DCDC1: variants seen among roughly 807,000 people sequenced by gnomAD.
DCDC1 encodes the protein doublecortin domain containing 1.
Under a neutral mutation model 178.3 loss-of-function variants are expected in DCDC1, and 200 were observed. The observed-to-expected ratio is 1.12, with a 90% CI of 1.00 to 1.26. DCDC1 has a LOEUF of 1.26. DCDC1 is among the 50% of genes most tolerant of loss of function. DCDC1 has a pLI of 0.00. For missense variants in DCDC1, 1,983 were observed against 1,749.2 expected (o/e 1.13, Z -2.38); for synonymous variants, 690 against 604.8 (o/e 1.14, Z -2.07).
At chr11:30,909,196 G>A in intron 28 of DCDC1, 80 bp from the exon 29 acceptor site, 2 of 1,266,036 alleles carry the variant, frequency 1.6e-6, no homozygotes, top group Non-Finnish European at 2.1e-6. Flanking sequence ...CATATATCCA[G>A]AAAGTGCAGA....
In DCDC1 at chr11:30,909,010, G is replaced by A; in HGVS notation, c.3854C>T (p.Thr1285Ile). ...ACAGACACCAGCATAATTTGCTGAT[G>A]TAATTTCCTTATCCAAGGCAGTGCT... Reference protein sequence around the residue: ...FHSTALDKEITSANYAGVCTS... With the variant: ...FHSTALDKEIISANYAGVCTS... Residue 1285 changes from threonine (T) to isoleucine (I), a missense_variant, in exon 29 of 39, where the codon ACA (threonine) becomes ATA (isoleucine). Thr to Ile is a moderately conservative substitution (Grantham distance 89). Coordinates refer to ENST00000684477, the MANE Select transcript of DCDC1 (RefSeq NM_001387274.1). The A allele has an allele frequency of 6.2e-7, 1 of 1,611,526 alleles. No homozygotes were observed. The highest frequency in any genetic ancestry group is 1.1e-5 in the South Asian group (1 of 90,810).
intron 8 of DCDC1, among the ~76,000 whole-genome samples, chr11:31,246,322 T>C (rs1025505839): frequency 1.3e-5 from 2 of 152,030 alleles, no homozygotes; most frequent in Admixed American, 6.6e-5. Flanking sequence ...CAGAGTATAG[T>C]TACCTATAAA....
At chr11:31,167,921 A>G (rs1253097726) in intron 9 of DCDC1, among the ~76,000 whole-genome samples, 1 of 152,200 alleles carries the variant, frequency 6.6e-6, no homozygotes, top group African/African-American at 2.4e-5. Context: ...CTGAAGATAC[A>G]ATAGTGAACA....
At chr11:31,134,679 T>A (rs937743589) in intron 10 of DCDC1, among the ~76,000 whole-genome samples, 1 of 152,248 alleles carries the variant, frequency 6.6e-6, no homozygotes, top group Non-Finnish European at 1.5e-5. Flanking sequence ...CTGATAATAA[T>A]AAGTCATATG....
chr11:30,952,405 G>A (rs1948481091), intron 21 of DCDC1, 40 bp downstream of exon 21: 1 of 1,490,980 alleles, frequency 6.7e-7, no homozygotes, highest in Non-Finnish European at 9.0e-7. Context: ...GGGCCTTAAA[G>A]TAAGTCTCAA....
chr11:31,231,914 C>T lies in DCDC1; in HGVS notation c.1221+9536G>A, dbSNP rs546985101. ...TGTATGCTGTGAGTGGATTTGCTCT[C>T]CTGCAGTGTGTATCTTCTTCCTAAA... On this transcript the variant is annotated intron_variant, in intron 9 of 38. Coordinates refer to ENST00000684477, the MANE Select transcript of DCDC1 (RefSeq NM_001387274.1). Among the ~76,000 whole-genome samples the T allele has an allele frequency of 5.9e-5, 9 of 152,306 alleles. 1 individual carries two copies. The South Asian group carries it at 1.9e-3, about 32-fold the overall frequency.
At chr11:30,984,802 C>T (rs1950560351) in intron 20 of DCDC1, among the ~76,000 whole-genome samples, 1 of 152,132 alleles carries the variant, frequency 6.6e-6, no homozygotes, top group African/African-American at 2.4e-5. Flanking sequence ...ATTGGCACCT[C>T]CCAAATGACA....
intron 9 of DCDC1, among the ~76,000 whole-genome samples, chr11:31,199,062 A>G (rs1971007263): frequency 6.6e-6 from 1 of 152,068 alleles, no homozygotes; most frequent in Non-Finnish European, 1.5e-5. Context: ...TGGAGACTCA[A>G]GCAAAATATG....
At chr11:31,151,878 A>G (rs1350728716) in intron 9 of DCDC1, among the ~76,000 whole-genome samples, 2 of 149,472 alleles carry the variant, frequency 1.3e-5, no homozygotes, top group Non-Finnish European at 1.5e-5. Flanking sequence ...ATTAGAAGGT[A>G]TAAGTTTTAG....
At chr11:30,965,771 T>C (rs961262642) in intron 20 of DCDC1, among the ~76,000 whole-genome samples, 1 of 121,540 alleles carries the variant, frequency 8.2e-6, no homozygotes, top group African/African-American at 3.1e-5. Context: ...CCCACCACAG[T>C]CCCCAGAGTG....
chr11:31,343,821 G>A (rs1267355857), intron 1 of DCDC1, among the ~76,000 whole-genome samples: 1 of 152,142 alleles, frequency 6.6e-6, no homozygotes, highest in East Asian at 1.9e-4. Context: ...TTGGGAGGCT[G>A]AGGGAGGAGA....
At chr11:30,997,381 A>G (rs955770077) in intron 20 of DCDC1, among the ~76,000 whole-genome samples, 3 of 152,218 alleles carry the variant, frequency 2.0e-5, no homozygotes, top group Non-Finnish European at 4.4e-5. Context: ...ATCAAAATGA[A>G]ATACAGCTTT....
intron 7 of DCDC1, chr11:31,281,035 G>A: frequency 1.9e-6 from 1 of 520,310 alleles, no homozygotes; most frequent in Non-Finnish European, 3.7e-6. Flanking sequence ...TCTGAAGCTA[G>A]ACGTCCCATT....
At chr11:30,900,968 T>G (rs1944621745) in intron 32 of DCDC1, among the ~76,000 whole-genome samples, 2 of 152,168 alleles carry the variant, frequency 1.3e-5, no homozygotes, top group Non-Finnish European at 2.9e-5. Flanking sequence ...TTTACTCTGA[T>G]GAACATCCAA....
chr11:30,906,489 T>C, intron 30 of DCDC1, 51 bp downstream of exon 30: 1 of 1,545,018 alleles, frequency 6.5e-7, no homozygotes, highest in Non-Finnish European at 8.8e-7. Flanking sequence ...TGCATCAAAG[T>C]TTCCAAATTG....
chr11:31,359,162 T>C (rs1175731255), intron 1 of DCDC1, among the ~76,000 whole-genome samples: 2 of 152,054 alleles, frequency 1.3e-5, no homozygotes, highest in Non-Finnish European at 2.9e-5. Flanking sequence ...CTATTCACAA[T>C]AGCAAAGACT....
intron 9 of DCDC1, among the ~76,000 whole-genome samples, chr11:31,154,420 C>A (rs1021906652): frequency 1.3e-5 from 2 of 152,176 alleles, no homozygotes; most frequent in Admixed American, 6.5e-5. Flanking sequence ...ATCTTTGATA[C>A]CCTCTACTGT....
chr11:30,886,647 A>G (rs1183013813), intron 36 of DCDC1, among the ~76,000 whole-genome samples: 2 of 152,160 alleles, frequency 1.3e-5, no homozygotes, highest in Non-Finnish European at 2.9e-5. Flanking sequence ...TTAAGACCTC[A>G]TTTAACCTTA....
At chr11:30,941,699 A>T (rs1028055417) in intron 21 of DCDC1, among the ~76,000 whole-genome samples, 1 of 152,180 alleles carries the variant, frequency 6.6e-6, no homozygotes, top group Admixed American at 6.6e-5. Context: ...CATTCCCTGA[A>T]AAGTTTTTGA....
Sources: gnomAD v4.1 joint callset for allele counts (sites outside exome capture counted in the v4.1 genomes callset) on GRCh38, gnomAD v4.1.1 for gene constraint, MANE v1.5 for transcripts, NCBI Gene and HGNC (gene_info 2026-07-23, HGNC 2026-07-21) for gene names.